MED13L: variants seen among roughly 807,000 people sequenced by gnomAD.
The protein encoded by MED13L is mediator complex subunit 13L, also known as mediator of RNA polymerase II transcription subunit 13-like.
Under a neutral mutation model 220.9 loss-of-function variants are expected in MED13L, and 7 were observed. The ratio of observed to expected loss-of-function variants is 0.03; its 90% CI spans 0.02 to 0.06. MED13L has a LOEUF of 0.06. Ranked by LOEUF, MED13L falls within the 10% of genes least tolerant of loss-of-function variation. The pLI, the probability that MED13L is intolerant of heterozygous loss-of-function variation, is 1.00. For missense variants in MED13L, 1,965 were observed against 2,760.5 expected (o/e 0.71, Z 6.46); for synonymous variants, 1,011 against 1,015.2 (o/e 1.00, Z 0.08).
chr12:116,131,134 T>C (rs1876033024), intron 2 of MED13L, among the ~76,000 whole-genome samples: 2 of 151,732 alleles, frequency 1.3e-5, no homozygotes, highest in Admixed American at 1.3e-4. Context: ...CTCTGGGGGG[T>C]AAAAAATCTC....
intron 28 of MED13L, 126 bp from the exon 29 acceptor site, chr12:115,966,369 A>T: frequency 9.2e-7 from 1 of 1,083,534 alleles, no homozygotes; most frequent in Non-Finnish European, 1.4e-6. Flanking sequence ...CACAGAAAAC[A>T]ACAGGTGACT....
intron 4 of MED13L, among the ~76,000 whole-genome samples, chr12:116,072,329 A>G (rs534654798): frequency 6.6e-6 from 1 of 152,368 alleles, no homozygotes; most frequent in Admixed American, 6.5e-5. Context: ...ATGGTAAAGA[A>G]TTAGACTAAT....
At chr12:116,244,199 G>A (rs1870898053) in intron 1 of MED13L, among the ~76,000 whole-genome samples, 1 of 152,170 alleles carries the variant, frequency 6.6e-6, no homozygotes, top group African/African-American at 2.4e-5. Context: ...TACCACTGCA[G>A]TAGAGTAGGT....
rs1207278610 is a variant in MED13L at position 116,277,633 on chromosome 12, C to G, written c.-502G>C. Among the ~76,000 whole-genome samples the G allele has an allele frequency of 2.7e-5, 4 of 149,788 alleles. No individual in the cohort carries two copies. The highest frequency in any genetic ancestry group is 4.9e-5 in the African/African-American group (2 of 41,188). On this transcript the variant is annotated 5_prime_UTR_variant, in exon 1 of 31. Coordinates refer to ENST00000281928, the MANE Select transcript of MED13L (RefSeq NM_015335.5). ...CCTTCCTCTTCCTCCCCCACCCCCCCCTCCTCCCCAGTCAGCCTCGCTTCT... is the reference window on the plus strand; with the variant it reads ...CCTTCCTCTTCCTCCCCCACCCCCCGCTCCTCCCCAGTCAGCCTCGCTTCT...
intron 2 of MED13L, among the ~76,000 whole-genome samples, chr12:116,224,951 C>T (rs1868808705): frequency 6.6e-6 from 1 of 152,230 alleles, no homozygotes; most frequent in Admixed American, 6.5e-5. Context: ...CCCACCTCAG[C>T]CTCCGAAAGT....
At chr12:116,023,332 C>A (rs756997289) in intron 4 of MED13L, among the ~76,000 whole-genome samples, 1 of 152,100 alleles carries the variant, frequency 6.6e-6, no homozygotes, top group Non-Finnish European at 1.5e-5. Flanking sequence ...CAGAAGGCAA[C>A]CCCTCAGCAC....
chr12:116,008,262 A>C lies in MED13L; in HGVS notation c.2012+139T>G, dbSNP rs1388709436. The C allele has an allele frequency of 4.9e-6, 6 of 1,219,760 alleles. No individual in the cohort carries two copies. In the East Asian group the frequency reaches 1.5e-4, roughly 31 times the overall value. 75.6% of individuals were successfully genotyped at this position (1,219,760 alleles called of 1,614,324 possible). A position where few individuals can be genotyped will look rare whatever the true frequency, so the allele number is the denominator to read the frequency against. ...AGTAGGACAAAGCATTTGACCATTA[A>C]ACATTTTCCATATCCGGAGTCAAGA... On this transcript the variant is annotated intron_variant, in intron 10 of 30. Transcript: ENST00000281928.
At chr12:116,110,327 A>C (rs1873968407) in intron 3 of MED13L, 2 of 151,978 alleles carry the variant, frequency 1.3e-5, no homozygotes, top group African/African-American at 2.4e-5. Context: ...ATAAAATAAC[A>C]ATCCATGGGT....
chr12:116,259,099 A>G (rs1052868212), intron 1 of MED13L, among the ~76,000 whole-genome samples: 1 of 152,184 alleles, frequency 6.6e-6, no homozygotes, highest in Non-Finnish European at 1.5e-5. Flanking sequence ...CAAAAAATTG[A>G]AAGAATCTTA....
intron 2 of MED13L, among the ~76,000 whole-genome samples, chr12:116,146,602 C>A (rs938289618): frequency 6.6e-6 from 1 of 152,006 alleles, no homozygotes; most frequent in East Asian, 1.9e-4. Flanking sequence ...TGGTGACTCA[C>A]GCTTGTAATC....
At position 116,040,775 on chromosome 12, in the gene MED13L, TGTA is replaced by T. The variant is rs1566025594; in HGVS notation, c.480-18177_480-18175del. On this transcript the variant is annotated intron_variant, in intron 4 of 30. Coordinates refer to ENST00000281928, the MANE Select transcript of MED13L (RefSeq NM_015335.5). ...GTTGGCTTAAAATTCCACTATAGCT[TGTA>T]TATGTTTAGGAGTCCTCAAAAAAAA... 9.9e-5 allele frequency among the ~76,000 whole-genome samples: 15 copies of T among 150,796 alleles called. No individual in the cohort carries two copies. The South Asian group carries it at 3.2e-3, about 32-fold the overall frequency.
intron 9 of MED13L, among the ~76,000 whole-genome samples, chr12:116,010,902 T>C (rs2137395703): frequency 6.6e-6 from 1 of 150,878 alleles, no homozygotes; most frequent in Non-Finnish European, 1.5e-5. Flanking sequence ...TTTTTTGAGA[T>C]GGAGTCTCGC....
chr12:116,069,447 T>C (rs1870204593), intron 4 of MED13L, among the ~76,000 whole-genome samples: 1 of 152,230 alleles, frequency 6.6e-6, no homozygotes, highest in Admixed American at 6.5e-5. Flanking sequence ...TTGCTTTCCT[T>C]TGCATTTCTT....
intron 1 of MED13L, among the ~76,000 whole-genome samples, chr12:116,258,270 G>GT (rs1446605416): frequency 6.6e-6 from 1 of 152,128 alleles, no homozygotes. Flanking sequence ...TAAATTTCTT[G>GT]TTTCAGTTTT....
chr12:116,272,238 G>A (rs1043168296), intron 1 of MED13L, among the ~76,000 whole-genome samples: 2 of 152,156 alleles, frequency 1.3e-5, no homozygotes, highest in African/African-American at 4.8e-5. Flanking sequence ...ACTGGTGAGA[G>A]AGATCTCTGA....
chr12:116,198,057 T>C (rs1012443313), intron 2 of MED13L, among the ~76,000 whole-genome samples: 1 of 152,228 alleles, frequency 6.6e-6, no homozygotes, highest in African/African-American at 2.4e-5. Context: ...ATAGTGCTTA[T>C]GTATGGCAGA....
rs764174553 is a variant in MED13L, at chr12:116,111,440, T to C, written c.383A>G (p.Asn128Ser). 11 of 1,612,502 alleles carry C rather than the reference T, an allele frequency of 6.8e-6. No homozygotes were observed. The highest frequency in any genetic ancestry group is 9.3e-6 in the Non-Finnish European group (11 of 1,179,500). ...TTCCTTCTCTTACCTTTCTAACAGA[T>C]TGTGGATCGCTTTGAAGAGCAGCGT... ...CRTLLFKAIH[N>S]LLERCLMDKN... Residue 128 changes from asparagine to serine, a missense_variant, in exon 3 of 31, where the codon AAT (asparagine) becomes AGT (serine). This residue lies in a region of MED13L where 818 missense variants were observed against 1,041.2 expected (regional missense o/e 0.79). Transcript: ENST00000281928.
At chr12:115,969,179 T>C (rs1466572611) in intron 27 of MED13L, 82 bp from the exon 28 acceptor site, 1 of 1,469,058 alleles carries the variant, frequency 6.8e-7, no homozygotes, top group Non-Finnish European at 9.4e-7. Flanking sequence ...ACCTAACCTA[T>C]GTCATGTTTT....
intron 1 of MED13L, among the ~76,000 whole-genome samples, chr12:116,257,566 G>C (rs1872165122): frequency 6.6e-6 from 1 of 152,136 alleles, no homozygotes; most frequent in Non-Finnish European, 1.5e-5. Flanking sequence ...AAGACAGAAA[G>C]AGCCCAGATC....
Sources: gnomAD v4.1 joint callset for allele counts (sites outside exome capture counted in the v4.1 genomes callset) on GRCh38, gnomAD v4.1.1 for gene constraint, gnomAD v4.1.1 regional missense constraint, MANE v1.5 for transcripts, NCBI Gene and HGNC (gene_info 2026-07-23, HGNC 2026-07-21) for gene names.